SYTL3: variants seen among roughly 807,000 people sequenced by gnomAD.
SYTL3 encodes synaptotagmin-like protein 3.
In SYTL3, 88 loss-of-function variants were observed where a neutral mutation model predicts 82.1. The observed-to-expected ratio is 1.07, with a 90% CI of 0.90 to 1.28. The LOEUF (loss-of-function observed/expected upper bound fraction) is 1.28, where lower values mean the gene tolerates loss of function less well. Among genes scored for constraint, SYTL3 ranks in the 50% most tolerant of loss-of-function variants. The pLI, the probability that SYTL3 is intolerant of heterozygous loss-of-function variation, is 0.00. For synonymous variants in SYTL3, 311 were observed against 289.4 expected (o/e 1.07, Z -0.76); for missense variants, 831 against 757.6 (o/e 1.10, Z -1.14).
chr6:158,681,554 T>A (rs1778700785), intron 5 of SYTL3, among the ~76,000 whole-genome samples: 1 of 152,186 alleles, frequency 6.6e-6, no homozygotes, highest in African/African-American at 2.4e-5. Flanking sequence ...GGCGGGCACC[T>A]GTAGTCCCAG....
chr6:158,708,738 G>GAT (rs1782411659), intron 8 of SYTL3, among the ~76,000 whole-genome samples: 1 of 152,120 alleles, frequency 6.6e-6, no homozygotes, highest in African/African-American at 2.4e-5. Flanking sequence ...ATTGGTTAAC[G>GAT]TGTGTGTGAG....
chr6:158,688,223 A>G (rs1289246431), intron 6 of SYTL3, among the ~76,000 whole-genome samples: 1 of 152,038 alleles, frequency 6.6e-6, no homozygotes, highest in Non-Finnish European at 1.5e-5. Flanking sequence ...GTTATAGATA[A>G]CTCTGTGATG....
chr6:158,721,020 C>T (rs1262002755), intron 10 of SYTL3, among the ~76,000 whole-genome samples: 1 of 152,192 alleles, frequency 6.6e-6, no homozygotes, highest in African/African-American at 2.4e-5. Context: ...CCAGGGTTGT[C>T]TGAAGGGCTA....
chr6:158,681,137 G>A (rs1778644189), intron 5 of SYTL3, among the ~76,000 whole-genome samples: 1 of 152,196 alleles, frequency 6.6e-6, no homozygotes, highest in East Asian at 1.9e-4. Context: ...CAAAGGAATT[G>A]GCCAGTTTTG....
rs1229647285 is a variant in SYTL3, at chr6:158,764,677, G to A, written c.*73G>A. On this transcript the variant is annotated 3_prime_UTR_variant, in exon 18 of 18. Transcript: ENST00000611299. ...CGTCTGCAGAGGGGCTACGAACCAG[G>A]TGCAGGGTCCCAGCTGGAGACCCCT... 1.8e-6 allele frequency: 2 copies of A among 1,106,206 alleles called. No homozygotes were observed. Among genetic ancestry groups the A allele is most frequent in the African/African-American group, 3.1e-5 (2 of 65,188 alleles). The allele number at this position is 1,106,206 out of a possible 1,614,324, so 68.5% of individuals were successfully genotyped here.
chr6:158,683,543 C>T (rs539098413), intron 6 of SYTL3, among the ~76,000 whole-genome samples: 6 of 152,262 alleles, frequency 3.9e-5, no homozygotes, highest in East Asian at 1.9e-4. Flanking sequence ...CTTTAAGGCT[C>T]GTGCACTACA....
At chr6:158,666,823 CAG>C (rs1790117669) in intron 5 of SYTL3, among the ~76,000 whole-genome samples, 1 of 152,196 alleles carries the variant, frequency 6.6e-6, no homozygotes, top group Non-Finnish European at 1.5e-5. Context: ...GTCATCTAGC[CAG>C]AGAGGTGAAG....
At chr6:158,754,337 C>G (rs980139114) in intron 13 of SYTL3, among the ~76,000 whole-genome samples, 1 of 152,162 alleles carries the variant, frequency 6.6e-6, no homozygotes, top group African/African-American at 2.4e-5. Flanking sequence ...TGGCCCTGCT[C>G]TCAAATGATC....
rs114691360 is a variant in SYTL3, at chr6:158,708,850, G to A, written c.516+459G>A. On this transcript the variant is annotated intron_variant, in intron 8 of 17. Coordinates refer to ENST00000611299, the MANE Select transcript of SYTL3 (RefSeq NM_001242394.2). ...TGTGTGATCTTGGGGCAGTTACCTGGGTTTCCCACCTGAGAGGTGGAAATA... is the reference window on the plus strand; with the variant it reads ...TGTGTGATCTTGGGGCAGTTACCTGAGTTTCCCACCTGAGAGGTGGAAATA... 4.6e-3 allele frequency among the ~76,000 whole-genome samples: 693 copies of A among 152,294 alleles called. 4 individuals carry two copies. Among genetic ancestry groups the A allele is most frequent in the African/African-American group, 0.016 (651 of 41,562 alleles).
At chr6:158,733,879 C>T (rs1362852444) in intron 11 of SYTL3, among the ~76,000 whole-genome samples, 11 of 150,836 alleles carry the variant, frequency 7.3e-5, no homozygotes, top group Admixed American at 6.6e-4. Context: ...GGGCGGATCA[C>T]GAGGTCAGGA....
intron 6 of SYTL3, among the ~76,000 whole-genome samples, chr6:158,685,734 C>A: frequency 6.6e-6 from 1 of 152,094 alleles, no homozygotes; most frequent in East Asian, 1.9e-4. Context: ...AGGAGAATTG[C>A]TTAAAGCTGG....
intron 6 of SYTL3, among the ~76,000 whole-genome samples, chr6:158,683,697 G>A (rs1778985964): frequency 6.6e-6 from 1 of 152,322 alleles, no homozygotes; most frequent in African/African-American, 2.4e-5. Flanking sequence ...CTCTCTACAA[G>A]CAGTAACTGT....
At chr6:158,645,138 C>T (rs1787355671), upstream of SYTL3, among the ~76,000 whole-genome samples, 1 of 152,192 alleles carries the variant, frequency 6.6e-6, no homozygotes, top group African/African-American at 2.4e-5. Flanking sequence ...GAAGGCAGTG[C>T]GCCCGGTGAG....
At chr6:158,749,662 A>T (rs1335239343) in intron 12 of SYTL3, among the ~76,000 whole-genome samples, 2 of 151,536 alleles carry the variant, frequency 1.3e-5, no homozygotes, top group Non-Finnish European at 2.9e-5. Context: ...ATTAAAAAAA[A>T]TTTTCAGTAG....
chr6:158,755,488 A>C (rs1788946738), intron 13 of SYTL3, among the ~76,000 whole-genome samples: 1 of 152,244 alleles, frequency 6.6e-6, no homozygotes, highest in African/African-American at 2.4e-5. Context: ...GAATGAACTG[A>C]GGAAGCTAAC....
At chr6:158,668,027 C>T (rs967832413) in intron 5 of SYTL3, among the ~76,000 whole-genome samples, 23 of 152,256 alleles carry the variant, frequency 1.5e-4, no homozygotes, top group African/African-American at 4.6e-4. Flanking sequence ...ATAAAACAAT[C>T]GTGTGGGGTA....
chr6:158,753,941 C>T (rs73797097), intron 13 of SYTL3, among the ~76,000 whole-genome samples: 3,086 of 151,818 alleles, frequency 0.02, 99 homozygotes, highest in African/African-American at 0.071. Flanking sequence ...AACCCAACAC[C>T]GGCCAGCCTC....
At chr6:158,702,416 G>T (rs1781420988) in intron 6 of SYTL3, among the ~76,000 whole-genome samples, 1 of 151,082 alleles carries the variant, frequency 6.6e-6, no homozygotes, top group African/African-American at 2.4e-5. Flanking sequence ...GGCCTCAAGT[G>T]GTCTCTTCTG....
At chr6:158,721,839 C>G (rs749697926) in intron 10 of SYTL3, among the ~76,000 whole-genome samples, 4 of 151,892 alleles carry the variant, frequency 2.6e-5, no homozygotes, top group Non-Finnish European at 5.9e-5. Context: ...TGCTGTGTTG[C>G]CTAGGGTAGT....
Sources: allele counts gnomAD v4.1 joint callset (sites outside exome capture counted in the v4.1 genomes callset), GRCh38; gene constraint gnomAD v4.1.1; transcripts MANE v1.5; gene names NCBI Gene and HGNC (gene_info 2026-07-23, HGNC 2026-07-21).